DENND6A: variants seen among roughly 807,000 people sequenced by gnomAD.
DENND6A encodes DENN domain containing 6A, also known as protein DENND6A.
A neutral mutation model predicts 95.5 loss-of-function variants in DENND6A; 43 were observed. The ratio of observed to expected loss-of-function variants is 0.45; its 90% confidence interval spans 0.35 to 0.58. The LOEUF (loss-of-function observed/expected upper bound fraction) is 0.58. Among genes scored for constraint, DENND6A ranks in the 20% least tolerant of loss-of-function variants. The pLI, the probability that DENND6A is intolerant of heterozygous loss-of-function variation, is 0.00. For synonymous variants in DENND6A, 257 were observed against 260.4 expected, an observed-to-expected ratio of 0.99 and a Z score of 0.13; for missense variants, 574 against 736.0, an observed-to-expected ratio of 0.78 and a Z score of 2.55.
intron 10 of DENND6A, among the ~76,000 whole-genome samples, chr3:57,646,094 A>C (rs2071074247): frequency 6.6e-6 from 1 of 152,232 alleles, no homozygotes; most frequent in South Asian, 2.1e-4. Flanking sequence ...CACTCAGAAC[A>C]ACAAAGGCAT....
intron 15 of DENND6A, 81 bp downstream of exon 15, chr3:57,633,184 A>G: frequency 8.4e-7 from 1 of 1,186,416 alleles, no homozygotes; most frequent in Non-Finnish European, 1.2e-6. Context: ...AACTTAAGAT[A>G]TGGTTTTGGA....
At chr3:57,683,803 G>A (rs994548496) in intron 1 of DENND6A, among the ~76,000 whole-genome samples, 1 of 152,146 alleles carries the variant, frequency 6.6e-6, no homozygotes, top group African/African-American at 2.4e-5. Flanking sequence ...AAAAGGACCA[G>A]GGTTCAAATC....
chr3:57,639,498 T>C (rs2070877361), intron 12 of DENND6A, among the ~76,000 whole-genome samples: 1 of 152,318 alleles, frequency 6.6e-6, no homozygotes, highest in Middle Eastern at 3.4e-3. Context: ...ATAGTCTAAA[T>C]TAGTAGGCCC....
At chr3:57,632,499 C>T (rs2070708164) in intron 15 of DENND6A, among the ~76,000 whole-genome samples, 1 of 152,100 alleles carries the variant, frequency 6.6e-6, no homozygotes, top group Non-Finnish European at 1.5e-5. Flanking sequence ...ATAAGCACTA[C>T]AGTAAAGTTT....
chr3:57,683,090 T>C (rs1432091168), intron 1 of DENND6A, among the ~76,000 whole-genome samples: 2 of 152,216 alleles, frequency 1.3e-5, no homozygotes, highest in African/African-American at 4.8e-5. Context: ...GTACTTATTA[T>C]GGCCTATGCA....
At chr3:57,681,975 T>G (rs530546958) in intron 1 of DENND6A, among the ~76,000 whole-genome samples, 8 of 152,260 alleles carry the variant, frequency 5.3e-5, no homozygotes, top group African/African-American at 1.9e-4. Context: ...GAAGTGTGAA[T>G]TTTATATGTG....
At chr3:57,687,929 C>A (rs201950022) in intron 1 of DENND6A, among the ~76,000 whole-genome samples, 265 of 135,662 alleles carry the variant, frequency 2.0e-3, no homozygotes, top group Middle Eastern at 3.7e-3. Flanking sequence ...AAGACCACCT[C>A]AAAAAAAAAA....
At chr3:57,677,015 G>C (rs2071721376) in intron 1 of DENND6A, among the ~76,000 whole-genome samples, 1 of 152,060 alleles carries the variant, frequency 6.6e-6, no homozygotes, top group Non-Finnish European at 1.5e-5. Flanking sequence ...GTAGAGACAG[G>C]GTTTCACCAT....
intron 11 of DENND6A, among the ~76,000 whole-genome samples, chr3:57,642,139 C>T (rs1027980283): frequency 1.3e-5 from 2 of 151,776 alleles, no homozygotes; most frequent in African/African-American, 4.8e-5. Context: ...ATGGTGAAAC[C>T]CCATCTCTAC....
chr3:57,674,392 G>T (rs1321715488), intron 1 of DENND6A, among the ~76,000 whole-genome samples: 3 of 148,378 alleles, frequency 2.0e-5, no homozygotes, highest in African/African-American at 7.5e-5. Context: ...AAAGAAATTG[G>T]GAGGCCGAGG....
At chr3:57,663,739 G>A (rs183970510) in intron 4 of DENND6A, 23 bp from the exon 5 acceptor site, 3 of 1,440,138 alleles carry the variant, frequency 2.1e-6, no homozygotes, top group Admixed American at 3.7e-5. Flanking sequence ...TGACAAGTAA[G>A]TGTGTGTGGG....
intron 9 of DENND6A, among the ~76,000 whole-genome samples, chr3:57,652,792 G>A (rs1333479591): frequency 6.6e-6 from 1 of 152,130 alleles, no homozygotes; most frequent in Non-Finnish European, 1.5e-5. Context: ...GTAAATACCA[G>A]ACAATCCTAA....
intron 12 of DENND6A, 51 bp downstream of exon 12, chr3:57,641,602 C>A: frequency 7.0e-7 from 1 of 1,432,074 alleles, no homozygotes; most frequent in South Asian, 1.4e-5. Flanking sequence ...AGAAAGAAAC[C>A]TGTTCAGCAA....
At position 57,634,699 on chromosome 3, in the gene DENND6A, A is replaced by C. The variant is rs1401606671; in HGVS notation, c.1198+5T>G. 2 of 1,540,068 alleles carry C rather than the reference A, an allele frequency of 1.3e-6. No homozygotes were observed. Among genetic ancestry groups the C allele is most frequent in the African/African-American group, 2.8e-5 (2 of 71,556 alleles). On this transcript the variant is annotated splice_donor_5th_base_variant and intron_variant, in intron 13 of 19. Coordinates refer to ENST00000311128, the MANE Select transcript of DENND6A (RefSeq NM_152678.3). ...ATATATTTAAAAATCAATAAAAGTC[A>C]ATACCAGGTTTGGAATCCAGAGTCT...
intron 15 of DENND6A, 135 bp from the exon 16 acceptor site, chr3:57,631,113 C>T: frequency 1.5e-6 from 1 of 685,428 alleles, no homozygotes; most frequent in Non-Finnish European, 2.5e-6. Context: ...TCACTCCCCA[C>T]AAGAGATATA....
chr3:57,692,689 G>C, intron 1 of DENND6A, 93 bp downstream of exon 1: 6 of 1,181,316 alleles, frequency 5.1e-6, no homozygotes, highest in Non-Finnish European at 6.7e-6. Context: ...CCGCGGACAG[G>C]GTCCTGGCCG....
intron 8 of DENND6A, among the ~76,000 whole-genome samples, chr3:57,658,136 T>TGAGGCAGGAGAATGGCGTGAACCC (rs1350393793): frequency 6.6e-6 from 1 of 150,642 alleles, no homozygotes; most frequent in African/African-American, 2.5e-5. Context: ...CTCGGGAGGC[T>TGAGGCAGGAGAATGGCGTGAACCC]GAGGCAGGAG....
chr3:57,632,146 A>G (rs1367947853), intron 15 of DENND6A, among the ~76,000 whole-genome samples: 1 of 149,260 alleles, frequency 6.7e-6, no homozygotes, highest in African/African-American at 2.5e-5. Flanking sequence ...CAGCCTCTAG[A>G]GCAGCTGGGA....
At chr3:57,644,312 A>G (rs2071018752) in intron 11 of DENND6A, among the ~76,000 whole-genome samples, 2 of 151,900 alleles carry the variant, frequency 1.3e-5, no homozygotes, top group South Asian at 4.2e-4. Flanking sequence ...ATTTACAAAA[A>G]AATTTTTTTT....
Sources: gnomAD v4.1 joint callset for allele counts (sites outside exome capture counted in the v4.1 genomes callset) on GRCh38, gnomAD v4.1.1 for gene constraint, MANE v1.5 for transcripts, NCBI Gene and HGNC (gene_info 2026-07-23, HGNC 2026-07-21) for gene names.